Variants in QPCT observed in about 807,000 individuals in gnomAD.
QPCT encodes glutaminyl-peptide cyclotransferase.
A neutral mutation model predicts 43.4 loss-of-function variants in QPCT; 44 were observed. That is an observed-to-expected ratio of 1.01 (90% CI 0.80 to 1.30). The LOEUF (loss-of-function observed/expected upper bound fraction) is 1.30, where lower values mean the gene tolerates loss of function less well. Ranked by LOEUF, QPCT falls within the 50% of genes most tolerant of loss-of-function variation. QPCT has a pLI of 0.00. For missense variants in QPCT, 526 were observed against 436.5 expected (o/e 1.21, Z -1.83); for synonymous variants, 168 against 168.4 (o/e 1.00, Z 0.02).
chr2:37,355,619 G>A (rs982294519), intron 2 of QPCT, among the ~76,000 whole-genome samples: 3 of 152,076 alleles, frequency 2.0e-5, no homozygotes, highest in Non-Finnish European at 2.9e-5. Context: ...CACATTATGC[G>A]TTTTCCTGGT....
At position 37,367,350 on chromosome 2, in the gene QPCT, A is replaced by G. The variant is rs1672982873; in HGVS notation, c.665A>G (p.Lys222Arg). 1 of 1,613,902 alleles carries G rather than the reference A, an allele frequency of 6.2e-7. No homozygotes were observed. The highest frequency in any genetic ancestry group is 1.7e-5 in the Admixed American group (1 of 59,990). The change falls in exon 4 of 7, where the codon AAG becomes AGG. Residue 222 changes from lysine to arginine, a missense_variant. Physicochemically the swap from Lys to Arg is conservative, Grantham distance 26 (BLOSUM62 2). Coordinates refer to ENST00000338415, the MANE Select transcript of QPCT (RefSeq NM_012413.4). ...TATGGGTCTCGACACTTAGCTGCAA[A>G]GATGGCATCGACCCCGCACCCACCT... is the stretch of plus-strand genomic sequence containing the variant. The part of the protein sequence containing the change: ...SLYGSRHLAA[K>R]MASTPHPPGA...
intron 3 of QPCT, among the ~76,000 whole-genome samples, chr2:37,365,400 AT>A (rs1672941757): frequency 6.6e-6 from 1 of 152,210 alleles, no homozygotes; most frequent in African/African-American, 2.4e-5. Flanking sequence ...ATGTAGAGTC[AT>A]TGGTGTCTTG....
intron 3 of QPCT, among the ~76,000 whole-genome samples, chr2:37,365,491 T>C (rs556072764): frequency 2.0e-5 from 3 of 152,318 alleles, no homozygotes; most frequent in Admixed American, 6.5e-5. Context: ...ACAGCGTGAA[T>C]AGACAACTCC....
At chr2:37,347,146 A>ATT (rs1672505137) in intron 1 of QPCT, among the ~76,000 whole-genome samples, 1 of 12,282 alleles carries the variant, frequency 8.1e-5, no homozygotes, top group African/African-American at 4.0e-4. Flanking sequence ...GGGGTGTTTT[A>ATT]TATATATATA....
chr2:37,352,963 C>G, intron 2 of QPCT, 28 bp downstream of exon 2: 1 of 1,601,512 alleles, frequency 6.2e-7, no homozygotes, highest in Non-Finnish European at 8.5e-7. Context: ...AAACCTCAAG[C>G]TTGTGTGAAT....
intron 2 of QPCT, chr2:37,358,705 A>G (rs1182043444): frequency 2.0e-5 from 3 of 152,230 alleles, no homozygotes; most frequent in African/African-American, 7.2e-5. Flanking sequence ...AGATGGGGAA[A>G]GAGATTCTCT....
chr2:37,369,164 T>C (rs1673023519), intron 4 of QPCT, among the ~76,000 whole-genome samples: 1 of 152,206 alleles, frequency 6.6e-6, no homozygotes, highest in African/African-American at 2.4e-5. Flanking sequence ...TTGAGCTTCT[T>C]ATTTGATACA....
At chr2:37,368,123 C>A (rs1317646339) in intron 4 of QPCT, among the ~76,000 whole-genome samples, 1 of 152,068 alleles carries the variant, frequency 6.6e-6, no homozygotes, top group African/African-American at 2.4e-5. Flanking sequence ...TCCTTGGTGG[C>A]TTCAAAGTAT....
intron 3 of QPCT, among the ~76,000 whole-genome samples, chr2:37,366,970 C>G (rs1672977013): frequency 1.3e-5 from 2 of 152,102 alleles, no homozygotes; most frequent in Admixed American, 1.3e-4. Flanking sequence ...TTTCAAAATT[C>G]TGTGAGGAGT....
intron 4 of QPCT, among the ~76,000 whole-genome samples, chr2:37,367,949 AATTGG>A: frequency 6.6e-6 from 1 of 152,332 alleles, no homozygotes; most frequent in African/African-American, 2.4e-5. Flanking sequence ...TCATGTAAAA[AATTGG>A]ATTACAGGAA....
intron 3 of QPCT, among the ~76,000 whole-genome samples, chr2:37,363,659 T>TAAAAAAAAAAAAAAAAAAA (rs58100358): frequency 1.3e-5 from 1 of 79,438 alleles, no homozygotes; most frequent in Non-Finnish European, 3.7e-5. Context: ...TTTTAAAATG[T>TAAAAAAAAAAAAAAAAAAA]AAAAAAAAAA....
chr2:37,373,016 G>T lies in QPCT; in HGVS notation c.*189G>T, dbSNP rs1367790845. On this transcript the variant is annotated 3_prime_UTR_variant, in exon 7 of 7. Coordinates refer to ENST00000338415, the MANE Select transcript of QPCT (RefSeq NM_012413.4). ...GTGTTGTGATATTGTGTCCTAAATT[G>T]CTCATTAATTTTTATTTACAGATTG... The T allele has an allele frequency of 1.3e-5, 6 of 446,370 alleles. No homozygotes were observed. The highest frequency in any genetic ancestry group is 2.3e-5 in the Non-Finnish European group (6 of 265,042). 27.7% of individuals were successfully genotyped at this position (446,370 alleles called of 1,614,324 possible).
chr2:37,355,855 A>G (rs1478325708), intron 2 of QPCT, among the ~76,000 whole-genome samples: 1 of 152,146 alleles, frequency 6.6e-6, no homozygotes, highest in South Asian at 2.1e-4. Context: ...TTCAGGGGGT[A>G]AAATCCCCCA....
At chr2:37,347,177 A>AT in intron 1 of QPCT, among the ~76,000 whole-genome samples, 1 of 70,236 alleles carries the variant, frequency 1.4e-5, no homozygotes, top group African/African-American at 6.6e-5. Context: ...ATATATATAT[A>AT]TAACATATAT....
intron 5 of QPCT, among the ~76,000 whole-genome samples, chr2:37,371,188 T>A (rs1366501949): frequency 6.6e-6 from 1 of 152,080 alleles, no homozygotes; most frequent in East Asian, 1.9e-4. Context: ...CATATTTTCC[T>A]TACTTTGATG....
intron 1 of QPCT, 149 bp downstream of exon 1, chr2:37,345,000 A>G (rs1356516285): frequency 8.3e-7 from 1 of 1,210,940 alleles, no homozygotes; most frequent in East Asian, 3.0e-5. Context: ...CGGCGCCCGG[A>G]GGAGTCGGGG....
intron 1 of QPCT, among the ~76,000 whole-genome samples, chr2:37,345,680 C>CA (rs570610604): frequency 0.01 from 1,564 of 151,576 alleles, 15 homozygotes; most frequent in Middle Eastern, 0.017. Flanking sequence ...CTAAAAAATA[C>CA]AAAAAATCAG....
chr2:37,345,692 C>T (rs1330541348), intron 1 of QPCT, among the ~76,000 whole-genome samples: 1 of 151,984 alleles, frequency 6.6e-6, no homozygotes, highest in Admixed American at 6.6e-5. Flanking sequence ...AAAAATCAGC[C>T]GGGCGTGGTG....
chr2:37,361,673 C>G (rs971702394), intron 3 of QPCT, among the ~76,000 whole-genome samples: 4 of 152,208 alleles, frequency 2.6e-5, no homozygotes, highest in African/African-American at 9.7e-5. Context: ...CTGCCCCAGC[C>G]AAACCCATTC....
Sources: allele counts gnomAD v4.1 joint callset (sites outside exome capture counted in the v4.1 genomes callset), GRCh38; gene constraint gnomAD v4.1.1; transcripts MANE v1.5; gene names NCBI Gene and HGNC (gene_info 2026-07-23, HGNC 2026-07-21).